Variants in CNTLN observed in about 807,000 individuals in gnomAD.
CNTLN encodes the protein centlein, centrosomal protein.
CNTLN carries 212 observed loss-of-function variants against 180.0 expected under a neutral mutation model. The observed-to-expected ratio is 1.18, with a 90% CI of 1.05 to 1.32. The LOEUF (loss-of-function observed/expected upper bound fraction) is 1.32, where lower values mean the gene tolerates loss of function less well. CNTLN is among the 40% of genes most tolerant of loss of function. The pLI is 0.00. For synonymous variants in CNTLN, 722 were observed against 563.1 expected (o/e 1.28, Z -3.99); for missense variants, 2,095 against 1,610.9 (o/e 1.30, Z -5.14).
the CNTLN span, among the ~76,000 whole-genome samples, chr9:17,521,265 A>AGAGAGAGAGAGAGAG: frequency 2.1e-4 from 25 of 118,608 alleles, no homozygotes; most frequent in South Asian, 1.4e-3. Flanking sequence ...AAGGGAGAAA[A>AGAGAGAGAGAGAGAG]AGAGAGAGAG....
chr9:17,294,780 AG>A (rs1190753395), intron 6 of CNTLN, among the ~76,000 whole-genome samples: 1 of 21,964 alleles, frequency 4.6e-5, no homozygotes, highest in African/African-American at 2.2e-4. Context: ...GGGGGGAGTG[AG>A]GGGAGGGAGG....
At chr9:17,194,100 C>T in intron 2 of CNTLN, among the ~76,000 whole-genome samples, 1 of 152,194 alleles carries the variant, frequency 6.6e-6, no homozygotes, top group East Asian at 1.9e-4. Flanking sequence ...TGGGCCCGGC[C>T]CACAAAACCA....
At chr9:17,478,342 T>C (rs573727876) in intron 23 of CNTLN, among the ~76,000 whole-genome samples, 1 of 152,250 alleles carries the variant, frequency 6.6e-6, no homozygotes, top group East Asian at 1.9e-4. Flanking sequence ...TTTGAAAATA[T>C]TTGTCTTCCA....
chr9:17,316,193 T>C (rs1376063248), intron 8 of CNTLN, among the ~76,000 whole-genome samples: 1 of 152,072 alleles, frequency 6.6e-6, no homozygotes, highest in African/African-American at 2.4e-5. Flanking sequence ...TAAAATGTCC[T>C]TTACCTTTAG....
intron 2 of CNTLN, among the ~76,000 whole-genome samples, chr9:17,150,566 T>G (rs1419845874): frequency 6.6e-6 from 1 of 152,164 alleles, no homozygotes; most frequent in Non-Finnish European, 1.5e-5. Flanking sequence ...TGAAGTGTAG[T>G]TTGAAGTCAG....
At chr9:17,315,824 T>G (rs1760340141) in intron 8 of CNTLN, among the ~76,000 whole-genome samples, 1 of 152,030 alleles carries the variant, frequency 6.6e-6, no homozygotes, top group South Asian at 2.1e-4. Context: ...ATAAATGTCA[T>G]TTAGGTCAAG....
At chr9:17,366,761 T>C (rs775510718) in intron 13 of CNTLN, 44 bp downstream of exon 13, 3 of 1,065,202 alleles carry the variant, frequency 2.8e-6, no homozygotes, top group East Asian at 5.1e-5. Flanking sequence ...AATTTTAAAA[T>C]TGTGTAATTC....
intron 25 of CNTLN, among the ~76,000 whole-genome samples, chr9:17,489,573 A>ATT (rs201331524): frequency 2.0e-5 from 3 of 151,050 alleles, no homozygotes; most frequent in African/African-American, 7.3e-5. Context: ...TAAAAAAAAT[A>ATT]TTTTTTTTTC....
At position 17,433,870 on chromosome 9, in the gene CNTLN, C is replaced by T. The variant is rs189522701; in HGVS notation, c.3114+17681C>T. On this transcript the variant is annotated intron_variant, in intron 18 of 25. Coordinates refer to ENST00000380647, the MANE Select transcript of CNTLN (RefSeq NM_017738.4). ...TTCCGGGATTATAGGCATGAACTAC[C>T]ATGCCCAGCCTGTAAGAGTTTTTAA... is the stretch of plus-strand genomic sequence containing the variant. 2.6e-5 allele frequency among the ~76,000 whole-genome samples: 4 copies of T among 152,314 alleles called. No individual in the cohort carries two copies. In the East Asian group the frequency reaches 7.7e-4, roughly 29 times the overall value.
rs76882551 is a variant in CNTLN at position 17,238,881 on chromosome 9, A to T, written c.849+2293A>T. 3.1e-3 allele frequency among the ~76,000 whole-genome samples: 474 copies of T among 152,268 alleles called. 1 individual carries two copies. The highest frequency in any genetic ancestry group is 0.011 in the African/African-American group (457 of 41,542). On this transcript the variant is annotated intron_variant, in intron 5 of 25. Transcript: ENST00000380647. ...TATGGTAACTGTTTTTAAGCTTTTG[A>T]GGAACTGCTAGACTATTTTCCAAAG...
chr9:17,149,512 C>CTTTTTTTTTTTTTTTTTT (rs55691769), intron 2 of CNTLN, among the ~76,000 whole-genome samples: 1 of 106,156 alleles, frequency 9.4e-6, no homozygotes, highest in East Asian at 2.6e-4. Flanking sequence ...TTCTTTCTTT[C>CTTTTTTTTTTTTTTTTTT]TTTTTTTTTT....
intron 5 of CNTLN, among the ~76,000 whole-genome samples, chr9:17,264,093 T>G (rs202067307): frequency 2.1e-5 from 3 of 144,988 alleles, no homozygotes; most frequent in South Asian, 4.8e-4. Context: ...ATTGCTTTTG[T>G]TGTTTCAGAC....
At chr9:17,505,786 T>C (rs961630100), downstream of CNTLN, among the ~76,000 whole-genome samples, 1 of 152,066 alleles carries the variant, frequency 6.6e-6, no homozygotes, top group Admixed American at 6.6e-5. Flanking sequence ...TTTTCTAAAA[T>C]GTATATGGGA....
intron 18 of CNTLN, among the ~76,000 whole-genome samples, chr9:17,444,673 C>G (rs1830300817): frequency 6.6e-6 from 1 of 152,186 alleles, no homozygotes; most frequent in South Asian, 2.1e-4. Context: ...TACTAAAGAT[C>G]TACATGAATC....
intron 2 of CNTLN, among the ~76,000 whole-genome samples, chr9:17,144,751 C>T (rs561823241): frequency 2.6e-5 from 4 of 151,476 alleles, no homozygotes; most frequent in Non-Finnish European, 5.9e-5. Context: ...TTGGAGATTA[C>T]TGCTTTATAA....
intron 2 of CNTLN, among the ~76,000 whole-genome samples, chr9:17,223,626 A>G (rs550784196): frequency 3.3e-5 from 5 of 152,090 alleles, no homozygotes; most frequent in African/African-American, 4.8e-5. Context: ...TCTGCCTATC[A>G]TGTACAATTC....
intron 7 of CNTLN, among the ~76,000 whole-genome samples, chr9:17,308,726 T>G (rs527985639): frequency 6.6e-6 from 1 of 152,062 alleles, no homozygotes; most frequent in South Asian, 2.1e-4. Context: ...CCTCCATGAT[T>G]AATACAGCTA....
At chr9:17,246,327 G>A (rs918754748) in intron 5 of CNTLN, among the ~76,000 whole-genome samples, 3 of 152,144 alleles carry the variant, frequency 2.0e-5, no homozygotes, top group African/African-American at 4.8e-5. Context: ...GTGGTCTTGT[G>A]TGATATCCGG....
In CNTLN at chr9:17,466,057, T is replaced by G; in HGVS notation, c.3608T>G (p.Val1203Gly). The G allele has an allele frequency of 6.2e-7, 1 of 1,606,366 alleles. No homozygotes were observed. The highest frequency in any genetic ancestry group is 8.5e-7 in the Non-Finnish European group (1 of 1,174,668). ...CTAAAGCAAAGACTTAACGTTGCTG[T>G]AAAAGAAAAGTCACAGTATGAACAG... ...DSLKQRLNVA[V>G]KEKSQYEQMY... The change falls in exon 22 of 26, where the codon GTA (valine) becomes GGA (glycine). Residue 1203 changes from valine to glycine, a missense_variant. Coordinates refer to ENST00000380647, the MANE Select transcript of CNTLN (RefSeq NM_017738.4).
Sources: allele counts gnomAD v4.1 joint callset (sites outside exome capture counted in the v4.1 genomes callset), GRCh38; gene constraint gnomAD v4.1.1; transcripts MANE v1.5; gene names NCBI Gene and HGNC (gene_info 2026-07-23, HGNC 2026-07-21).